TRAFD1: variants seen among roughly 807,000 people sequenced by gnomAD.
TRAFD1 encodes the protein TRAF-type zinc finger domain containing 1.
TRAFD1 carries 38 observed loss-of-function variants against 65.3 expected under a neutral mutation model. The observed-to-expected ratio is 0.58, with a 90% CI of 0.45 to 0.76. TRAFD1 has a LOEUF of 0.76. Ranked by LOEUF, TRAFD1 falls within the 30% of genes least tolerant of loss-of-function variation. The probability of loss-of-function intolerance (pLI) is 0.00; values close to 1 mark genes in which losing one functional copy is unlikely to be tolerated. For missense variants in TRAFD1, 631 were observed against 712.6 expected (o/e 0.89, Z 1.30); for synonymous variants, 223 against 257.2 (o/e 0.87, Z 1.27).
intron 4 of TRAFD1, chr12:112,140,063 G>A (rs2030039810): frequency 4.0e-6 from 1 of 253,158 alleles, no homozygotes; most frequent in South Asian, 3.3e-5. Context: ...ATACAAATAT[G>A]AAGGTTAGAG....
chr12:112,139,548 C>T (rs1320637442), intron 4 of TRAFD1, among the ~76,000 whole-genome samples: 4 of 151,728 alleles, frequency 2.6e-5, no homozygotes, highest in African/African-American at 4.8e-5. Context: ...CTCAGCCTCC[C>T]GAGTAGCTGG....
At chr12:112,139,927 G>A (rs1049268860) in intron 4 of TRAFD1, among the ~76,000 whole-genome samples, 1 of 152,086 alleles carries the variant, frequency 6.6e-6, no homozygotes, top group Admixed American at 6.6e-5. Flanking sequence ...GCTTGAACCC[G>A]AGAGGTGAAG....
At chr12:112,140,276 T>G in intron 4 of TRAFD1, 1 of 175,236 alleles carries the variant, frequency 5.7e-6, no homozygotes, top group South Asian at 9.1e-5. Flanking sequence ...AAAAATTAAG[T>G]GGGTGTGGTG....
At chr12:112,140,368 C>G (rs1287132907) in intron 4 of TRAFD1, among the ~76,000 whole-genome samples, 1 of 141,282 alleles carries the variant, frequency 7.1e-6, no homozygotes, top group African/African-American at 2.7e-5. Context: ...CGCAATGAGC[C>G]AAGATTGCGC....
intron 5 of TRAFD1, 134 bp downstream of exon 5, chr12:112,141,358 C>G: frequency 9.9e-7 from 1 of 1,008,762 alleles, no homozygotes; most frequent in African/African-American, 1.6e-5. Context: ...AAGAATACCT[C>G]TCTTTCCTAT....
At chr12:112,144,430 C>T (rs946641405) in intron 6 of TRAFD1, among the ~76,000 whole-genome samples, 6 of 152,116 alleles carry the variant, frequency 3.9e-5, no homozygotes, top group Non-Finnish European at 7.3e-5. Context: ...ACCACCATGC[C>T]CGCCTAATTT....
At chr12:112,134,662 C>T in intron 2 of TRAFD1, 76 bp from the exon 3 acceptor site, 1 of 1,527,360 alleles carries the variant, frequency 6.5e-7, no homozygotes, top group Non-Finnish European at 8.9e-7. Flanking sequence ...GACAGATTTC[C>T]ATGTGATGCC....
chr12:112,140,398 C>T (rs1292134985), intron 4 of TRAFD1, among the ~76,000 whole-genome samples: 20 of 138,136 alleles, frequency 1.4e-4, no homozygotes, highest in African/African-American at 3.4e-4. Context: ...CCAGCCTGGG[C>T]GACAGTGCGA....
chr12:112,127,197 T>C (rs1448152876), intron 1 of TRAFD1, among the ~76,000 whole-genome samples: 1 of 152,170 alleles, frequency 6.6e-6, no homozygotes, highest in Non-Finnish European at 1.5e-5. Flanking sequence ...TCTTTGTCTT[T>C]TCGTGGTTGG....
chr12:112,148,128 C>G lies in TRAFD1; in HGVS notation c.982C>G (p.Pro328Ala). The G allele has an allele frequency of 6.2e-7, 1 of 1,614,176 alleles. No homozygotes were observed. Among genetic ancestry groups the G allele is most frequent in the Non-Finnish European group, 8.5e-7 (1 of 1,180,016 alleles). The change falls in exon 8 of 12, where the codon CCC (proline) becomes GCC (alanine). Residue 328 changes from proline (P) to alanine (A), a missense_variant. Transcript: ENST00000412615. ...TTCACTCAATACTGGCAGCTCTTCC[C>G]CCAGAGGGGTGGAGGAACCTGATGT... ...LPSLNTGSSS[P>A]RGVEEPDVIF...
chr12:112,148,034 C>T, intron 7 of TRAFD1, 40 bp from the exon 8 acceptor site: 1 of 1,535,098 alleles, frequency 6.5e-7, no homozygotes. Context: ...TTTTCTTAAC[C>T]TCTGATTCTT....
Position 112,140,756 on chromosome 12 carries a change from C to G in TRAFD1, c.238-63C>G, listed in dbSNP as rs2030062800. ...AGTAGATACTCTTGGCTTTCCTTGC[C>G]CTATACTAAAACACACCTCTCCTAG... On this transcript the variant is annotated intron_variant, in intron 4 of 11. Coordinates refer to ENST00000412615, the MANE Select transcript of TRAFD1 (RefSeq NM_006700.3). The G allele has an allele frequency of 2.5e-6, 4 of 1,577,218 alleles. 1 individual carries two copies. In the East Asian group the frequency reaches 9.0e-5, roughly 35 times the overall value.
At chr12:112,146,574 ATTACT>A (rs577652343) in intron 7 of TRAFD1, among the ~76,000 whole-genome samples, 6 of 152,354 alleles carry the variant, frequency 3.9e-5, no homozygotes, top group East Asian at 3.9e-4. Context: ...TTTTCTGCAC[ATTACT>A]TTATCTACCT....
At chr12:112,139,151 C>A (rs2030011574) in intron 4 of TRAFD1, among the ~76,000 whole-genome samples, 1 of 151,936 alleles carries the variant, frequency 6.6e-6, no homozygotes, top group South Asian at 2.1e-4. Context: ...TCAACCTGGG[C>A]AACATAAGGA....
chr12:112,133,648 A>T (rs140901066), intron 2 of TRAFD1, among the ~76,000 whole-genome samples: 8 of 151,852 alleles, frequency 5.3e-5, no homozygotes, highest in Middle Eastern at 3.4e-3. Flanking sequence ...TTTTAGATGT[A>T]GTAGTGCATA....
At chr12:112,139,429 T>TC in intron 4 of TRAFD1, among the ~76,000 whole-genome samples, 1 of 152,118 alleles carries the variant, frequency 6.6e-6, no homozygotes, top group African/African-American at 2.4e-5. Context: ...AAGTTTTTTT[T>TC]CAAAAGCTTT....
In TRAFD1 at chr12:112,130,476, AAG is replaced by A. The variant is rs1403065486; in HGVS notation, c.-12-31_-12-30del. 2 of 1,565,942 alleles carry A rather than the reference AAG, an allele frequency of 1.3e-6. No individual in the cohort carries two copies. The highest frequency in any genetic ancestry group is 1.8e-6 in the Non-Finnish European group (2 of 1,140,842). On this transcript the variant is annotated intron_variant, in intron 1 of 11. Coordinates refer to ENST00000412615, the MANE Select transcript of TRAFD1 (RefSeq NM_006700.3). This position sits in a 1 kb window ranked among gnomAD's most constrained non-coding sequence, Gnocchi z 4.4. ...CATGTCATCTTTAAAGCAGAAATGA[AAG>A]AGAAAGTTCATGTCTTCCTTTGTGG...
intron 1 of TRAFD1, chr12:112,126,137 A>G (rs1770656269): frequency 6.6e-6 from 1 of 152,248 alleles, no homozygotes; most frequent in African/African-American, 2.4e-5. Context: ...GTCGGGATTA[A>G]AAGATTTTCC....
chr12:112,134,299 G>A (rs577729512), intron 2 of TRAFD1, among the ~76,000 whole-genome samples: 7 of 143,738 alleles, frequency 4.9e-5, no homozygotes, highest in East Asian at 2.0e-4. Context: ...CGTGAGCCAC[G>A]GCGCCCGGCC....
Sources: gnomAD v4.1 joint callset for allele counts (sites outside exome capture counted in the v4.1 genomes callset) on GRCh38, gnomAD v4.1.1 for gene constraint, Gnocchi (gnomAD v3.1) non-coding constraint, MANE v1.5 for transcripts, NCBI Gene and HGNC (gene_info 2026-07-23, HGNC 2026-07-21) for gene names.